Variants in DNAH9 observed in about 807,000 individuals in gnomAD.
DNAH9 encodes DNAH9 variant protein.
In DNAH9, 345 loss-of-function variants were observed where a neutral mutation model predicts 471.6. That is an observed-to-expected ratio of 0.73 (90% CI 0.67 to 0.80). The LOEUF (loss-of-function observed/expected upper bound fraction) is 0.80, where lower values mean the gene tolerates loss of function less well. Ranked by LOEUF, DNAH9 falls within the 30% of genes least tolerant of loss-of-function variation. The pLI, the probability that DNAH9 is intolerant of heterozygous loss-of-function variation, is 0.00. For missense variants in DNAH9, 5,407 were observed against 5,609.2 expected (o/e 0.96, Z 1.15); for synonymous variants, 2,093 against 2,123.6 (o/e 0.99, Z 0.40).
rs1421327873 is a variant in DNAH9 at position 11,869,116 on chromosome 17, G to C, written c.9934-18G>C. The C allele has an allele frequency of 6.2e-7, 1 of 1,612,232 alleles. No individual in the cohort carries two copies. On this transcript the variant is annotated intron_variant, in intron 50 of 68. Transcript: ENST00000262442. ...TGGGCCGAAATGACTGATGGTCCTT[G>C]TATTCCTTCCTAAACAGCACCTTAA... is the stretch of plus-strand genomic sequence containing the variant.
chr17:11,730,862 TG>T (rs1472533078), intron 28 of DNAH9, among the ~76,000 whole-genome samples: 4 of 151,930 alleles, frequency 2.6e-5, no homozygotes, highest in Non-Finnish European at 5.9e-5. Flanking sequence ...GTGGTAGTGG[TG>T]GTGATGATTC....
At chr17:11,799,270 C>G (rs1198806040) in intron 43 of DNAH9, among the ~76,000 whole-genome samples, 1 of 152,130 alleles carries the variant, frequency 6.6e-6, no homozygotes, top group Non-Finnish European at 1.5e-5. Context: ...AACTTCAAGA[C>G]TTCATTCATT....
intron 66 of DNAH9, 125 bp from the exon 67 acceptor site, chr17:11,942,178 T>C: frequency 1.5e-6 from 2 of 1,330,472 alleles, no homozygotes; most frequent in East Asian, 2.3e-5. Flanking sequence ...AGTTTGGCCA[T>C]GTCAGTGGGT....
rs546556901 is a variant in DNAH9, at chr17:11,744,678, G to A, written c.6112-119G>A. 29 of 839,028 alleles carry A rather than the reference G, an allele frequency of 3.5e-5. 2 individuals carry two copies. Among genetic ancestry groups the A allele is most frequent in the African/African-American group, 2.0e-4 (12 of 58,926 alleles). 52.0% of individuals were successfully genotyped at this position (839,028 alleles called of 1,614,324 possible). On this transcript the variant is annotated intron_variant, in intron 30 of 68. Transcript: ENST00000262442. ...CATTTTCTAAGTCATCCCTTCCCAC[G>A]TCTCTGTCCAGGCTTCAGAGGTGAC... is the stretch of plus-strand genomic sequence containing the variant.
intron 68 of DNAH9, among the ~76,000 whole-genome samples, chr17:11,964,646 C>T (rs1250790647): frequency 6.6e-6 from 1 of 152,118 alleles, no homozygotes; most frequent in African/African-American, 2.4e-5. Flanking sequence ...TTCAGCAATC[C>T]AAGAAGTGTT....
At chr17:11,763,317 T>G in intron 35 of DNAH9, 123 bp from the exon 36 acceptor site, 1 of 825,444 alleles carries the variant, frequency 1.2e-6, no homozygotes, top group South Asian at 1.7e-5. Context: ...TGGTTGTCTG[T>G]AATCCCAAAG....
Position 11,727,860 on chromosome 17 carries a change from TG to T in DNAH9, c.5756del (p.Gly1919AlafsTer21). On this transcript the variant is annotated frameshift_variant, in exon 28 of 69. Transcript: ENST00000262442. LOFTEE classifies it high-confidence loss of function. ...IYKGLAQTGA[W>X]GCFDEFNRIS... ...CAAAGGCCTTGCTCAGACTGGTGCC[TG>T]GGGCTGCTTTGATGAGTTTAATCGA... is the stretch of plus-strand genomic sequence containing the variant. The T allele has an allele frequency of 6.2e-7, 1 of 1,614,142 alleles. No homozygotes were observed. The highest frequency in any genetic ancestry group is 8.5e-7 in the Non-Finnish European group (1 of 1,179,980).
chr17:11,915,130 C>T (rs115086599), intron 61 of DNAH9, among the ~76,000 whole-genome samples: 177 of 152,318 alleles, frequency 1.2e-3, no homozygotes, highest in African/African-American at 4.1e-3. Flanking sequence ...CCTCCTAGCT[C>T]ATCTCCACTC....
chr17:11,965,111 A>G (rs1031116379), intron 68 of DNAH9, among the ~76,000 whole-genome samples: 1 of 151,726 alleles, frequency 6.6e-6, no homozygotes, highest in Non-Finnish European at 1.5e-5. Context: ...GGCTTTGAAA[A>G]CCCCTGACAT....
At chr17:11,965,563 A>C (rs964307920) in intron 68 of DNAH9, among the ~76,000 whole-genome samples, 10 of 152,242 alleles carry the variant, frequency 6.6e-5, no homozygotes, top group African/African-American at 2.4e-4. Context: ...ATGATATACA[A>C]AGAAACAAAA....
At chr17:11,743,500 C>A (rs559195870) in intron 30 of DNAH9, among the ~76,000 whole-genome samples, 1 of 152,188 alleles carries the variant, frequency 6.6e-6, no homozygotes, top group Non-Finnish European at 1.5e-5. Flanking sequence ...AAGATAGAGA[C>A]CAATGTCCTT....
Position 11,598,871 on chromosome 17 carries a change from C to T in DNAH9, c.373C>T (p.Leu125=), listed in dbSNP as rs1281211288. Residue 125 remains leucine (L), a synonymous_variant, in exon 1 of 69, where the codon CTG becomes TTG. Transcript: ENST00000262442. ...SFRGAVVCGD[L]PAAPLEHLAA... ...CCGCGGCGCAGTGGTCTGCGGGGAC[C>T]TGCCCGCGGCACCTCTGGAGCACCT... 4 of 1,543,212 alleles carry T rather than the reference C, an allele frequency of 2.6e-6. No homozygotes were observed. The highest frequency in any genetic ancestry group is 3.5e-6 in the Non-Finnish European group (4 of 1,151,142).
At chr17:11,660,467 G>A (rs1354625104) in intron 14 of DNAH9, among the ~76,000 whole-genome samples, 1 of 151,738 alleles carries the variant, frequency 6.6e-6, no homozygotes, top group Non-Finnish European at 1.5e-5. Flanking sequence ...GGATTATAGG[G>A]ATGTGCCACC....
chr17:11,742,069 A>T lies in DNAH9; in HGVS notation c.5973-106A>T. 1.1e-5 allele frequency: 11 copies of T among 1,003,258 alleles called. No homozygotes were observed. In the South Asian group the frequency reaches 1.6e-4, roughly 14 times the overall value. 62.1% of individuals were successfully genotyped at this position (1,003,258 alleles called of 1,614,324 possible). A position where few individuals can be genotyped will look rare whatever the true frequency, so the allele number is the denominator to read the frequency against. ...GGTCTTTCCATGAGTTTTTGCACTC[A>T]CAGATGCCTCCATGTGTGATCTCGG... On this transcript the variant is annotated intron_variant, in intron 29 of 68. Coordinates refer to ENST00000262442, the MANE Select transcript of DNAH9 (RefSeq NM_001372.4).
chr17:11,647,585 A>G (rs2073419888), intron 12 of DNAH9, among the ~76,000 whole-genome samples: 2 of 152,156 alleles, frequency 1.3e-5, no homozygotes, highest in African/African-American at 2.4e-5. Flanking sequence ...AAGATCACCA[A>G]TCATTTGGTA....
At chr17:11,827,134 C>T (rs1483861092) in intron 48 of DNAH9, among the ~76,000 whole-genome samples, 1 of 152,084 alleles carries the variant, frequency 6.6e-6, no homozygotes, top group Non-Finnish European at 1.5e-5. Context: ...CGAGTCCCTA[C>T]TTTCAACATC....
rs1237770067 is a variant in DNAH9 at position 11,845,253 on chromosome 17, G to C, written c.9508-8750G>C. On this transcript the variant is annotated intron_variant, in intron 49 of 68. Transcript: ENST00000262442. Reference sequence around the variant, plus strand: ...TCCCACCTATAAGTGAGAATATGCGGTGTTTGGTTTTTTGTTCTTGCGATA... The same window carrying C: ...TCCCACCTATAAGTGAGAATATGCGCTGTTTGGTTTTTTGTTCTTGCGATA... Among the ~76,000 whole-genome samples the C allele has an allele frequency of 2.6e-5, 3 of 116,442 alleles. 1 individual carries two copies. The East Asian group carries it at 7.4e-4, about 29-fold the overall frequency. The allele number at this position is 116,442 out of a possible 152,430, so 76.4% of individuals were successfully genotyped here. A position where few individuals can be genotyped will look rare whatever the true frequency, so the allele number is the denominator to read the frequency against.
chr17:11,832,951 CAAACTT>C (rs1970725711), intron 48 of DNAH9, among the ~76,000 whole-genome samples: 1 of 152,238 alleles, frequency 6.6e-6, no homozygotes, highest in African/African-American at 2.4e-5. Context: ...CAGTGACTCT[CAAACTT>C]AGACGGGCAT....
At chr17:11,880,290 T>G in intron 54 of DNAH9, 90 bp downstream of exon 54, 2 of 1,530,974 alleles carry the variant, frequency 1.3e-6, no homozygotes, top group Non-Finnish European at 1.8e-6. Flanking sequence ...TCCTAGAATT[T>G]CCTCTCTTCA....
Sources: allele counts gnomAD v4.1 joint callset (sites outside exome capture counted in the v4.1 genomes callset), GRCh38; gene constraint gnomAD v4.1.1; transcripts MANE v1.5; gene names NCBI Gene and HGNC (gene_info 2026-07-23, HGNC 2026-07-21).